The following RARB variants were observed in gnomAD, a reference collection of about 807,000 sequenced individuals.
RARB encodes the protein retinoic acid receptor beta.
Under a neutral mutation model 51.9 loss-of-function variants are expected in RARB, and 17 were observed. The observed-to-expected ratio is 0.33, with a 90% CI of 0.22 to 0.49. The LOEUF is 0.49. Among genes scored for constraint, RARB ranks in the 20% least tolerant of loss-of-function variants. The pLI, the probability that RARB is intolerant of heterozygous loss-of-function variation, is 0.99. For missense variants in RARB, 369 were observed against 550.8 expected, an observed-to-expected ratio of 0.67 and a Z score of 3.30; for synonymous variants, 215 against 195.4, an observed-to-expected ratio of 1.10 and a Z score of -0.84.
intron 5 of RARB, among the ~76,000 whole-genome samples, chr3:25,335,285 A>T (rs1207731806): frequency 6.8e-6 from 1 of 147,896 alleles, no homozygotes; most frequent in East Asian, 2.0e-4. Context: ...TGACACACAC[A>T]TCATGAAATT....
intron 2 of RARB, among the ~76,000 whole-genome samples, chr3:24,942,043 G>C (rs1211416707): frequency 6.6e-6 from 1 of 152,164 alleles, no homozygotes; most frequent in East Asian, 1.9e-4. Context: ...GATGTGAAAG[G>C]TTTCTTAGAT....
intron 2 of RARB, among the ~76,000 whole-genome samples, chr3:25,495,348 A>G (rs1696971036): frequency 6.6e-6 from 1 of 152,232 alleles, no homozygotes; most frequent in Non-Finnish European, 1.5e-5. Context: ...GATTTAAGAT[A>G]TGTCCATCAA....
At chr3:25,338,029 G>A (rs1705114708) in intron 5 of RARB, among the ~76,000 whole-genome samples, 1 of 150,356 alleles carries the variant, frequency 6.7e-6, no homozygotes, top group Non-Finnish European at 1.5e-5. Flanking sequence ...CTGAACCACA[G>A]GTTTCACAAT....
At chr3:25,279,951 G>A (rs1453956570) in intron 5 of RARB, among the ~76,000 whole-genome samples, 1 of 152,194 alleles carries the variant, frequency 6.6e-6, no homozygotes, top group Non-Finnish European at 1.5e-5. Context: ...GAGAGGTGGA[G>A]TTGTAGGGGA....
chr3:25,146,590 C>T (rs1013347765), intron 4 of RARB, among the ~76,000 whole-genome samples: 6 of 149,702 alleles, frequency 4.0e-5, no homozygotes, highest in South Asian at 2.1e-4. Context: ...TCACTGCAAG[C>T]TCCGCCTCCC....
intron 5 of RARB, among the ~76,000 whole-genome samples, chr3:25,385,961 T>C (rs1706782176): frequency 6.6e-6 from 1 of 152,180 alleles, no homozygotes. Context: ...GTTTCTGCTT[T>C]CCTCAAGCTT....
At chr3:25,108,081 G>A (rs1453256293) in intron 3 of RARB, among the ~76,000 whole-genome samples, 1 of 151,966 alleles carries the variant, frequency 6.6e-6, no homozygotes, top group Non-Finnish European at 1.5e-5. Flanking sequence ...CTAATGGGTG[G>A]GTAGCATCTA....
chr3:25,539,854 G>A (rs1699303858), intron 3 of RARB, among the ~76,000 whole-genome samples: 1 of 151,730 alleles, frequency 6.6e-6, no homozygotes. Flanking sequence ...TTGAACTGTG[G>A]GTCCATTTAT....
exon 1 of RARB, among the ~76,000 whole-genome samples, chr3:24,829,390 C>A (rs1702249754): frequency 6.6e-6 from 1 of 152,130 alleles, no homozygotes; most frequent in African/African-American, 2.4e-5. Context: ...GACTCCAAGG[C>A]AGCCCGCCAA....
intron 5 of RARB, among the ~76,000 whole-genome samples, chr3:25,420,896 A>G (rs905450541): frequency 6.6e-6 from 1 of 151,242 alleles, no homozygotes. Flanking sequence ...CACAAGATAG[A>G]TTAATAATGC....
At chr3:25,422,644 T>G (rs1707892325) in intron 5 of RARB, among the ~76,000 whole-genome samples, 1 of 151,770 alleles carries the variant, frequency 6.6e-6, no homozygotes, top group African/African-American at 2.4e-5. Flanking sequence ...GGTAGAAAAG[T>G]GAGAAATTAC....
chr3:24,884,501 C>A (rs1452306839), intron 2 of RARB, among the ~76,000 whole-genome samples: 1 of 151,956 alleles, frequency 6.6e-6, no homozygotes, highest in Non-Finnish European at 1.5e-5. Context: ...ATTTTTTTCC[C>A]CAAGGATTAT....
chr3:24,959,196 G>C (rs1696086199), intron 2 of RARB, among the ~76,000 whole-genome samples: 1 of 152,170 alleles, frequency 6.6e-6, no homozygotes, highest in South Asian at 2.1e-4. Flanking sequence ...AGCAAGGGCA[G>C]AGGGTCAGTG....
chr3:25,492,919 G>A (rs1659254252), intron 2 of RARB, among the ~76,000 whole-genome samples: 1 of 151,816 alleles, frequency 6.6e-6, no homozygotes, highest in South Asian at 2.1e-4. Context: ...TCTTATAGAA[G>A]CCATGGCTAC....
chr3:25,219,554 T>TG (rs1244169086), intron 5 of RARB, among the ~76,000 whole-genome samples: 1 of 151,846 alleles, frequency 6.6e-6, no homozygotes, highest in Non-Finnish European at 1.5e-5. Flanking sequence ...AAGAAGGGAG[T>TG]GGGGAGGGAA....
intron 2 of RARB, among the ~76,000 whole-genome samples, chr3:24,908,672 T>TTG (rs1553613054): frequency 3.4e-5 from 5 of 145,166 alleles, no homozygotes; most frequent in African/African-American, 1.3e-4. Flanking sequence ...TGTTTTTTTT[T>TTG]TTTTTTTTTT....
Position 25,253,430 on chromosome 3 carries a change from A to G in RARB, c.178+78855A>G, listed in dbSNP as rs1384902. On this transcript the variant is annotated intron_variant, in intron 5 of 11. Coordinates refer to the RARB transcript ENST00000383772. ...ACTCTATGGTGTGTCTGCCCACCCA[A>G]TTACCCTGAAGGATCTATAAAATAT... Among the ~76,000 whole-genome samples the G allele has an allele frequency of 7.2e-3, 1,094 of 152,258 alleles. 8 individuals carry two copies. Among genetic ancestry groups the G allele is most frequent in the Middle Eastern group, 0.014 (4 of 294 alleles).
chr3:25,594,624 A>G lies in RARB; in HGVS notation c.1096A>G (p.Met366Val), dbSNP rs768967531. The G allele has an allele frequency of 1.2e-6, 2 of 1,613,612 alleles. No homozygotes were observed. The highest frequency in any genetic ancestry group is 1.3e-5 in the African/African-American group (1 of 74,970). Residue 366 changes from methionine to valine, a missense_variant, in exon 7 of 8, where the codon ATG (methionine) becomes GTG (valine). Around this residue, in one of 9 missense-constraint regions of RARB, gnomAD observed 76 missense variants for 153.3 expected, o/e 0.50. Coordinates refer to ENST00000330688, the MANE Select transcript of RARB (RefSeq NM_000965.5). ...AAAAAGACGACCCAGCAAGCCTCACATGTTTCCAAAGATCTTAATGAAAAT... is the reference window on the plus strand; with the variant it reads ...AAAAAGACGACCCAGCAAGCCTCACGTGTTTCCAAAGATCTTAATGAAAAT... The part of the protein sequence containing the change: ...IRKRRPSKPH[M>V]FPKILMKITD...
rs575521780 is a variant in RARB at position 25,038,625 on chromosome 3, C to T, written c.-379-21500C>T. Among the ~76,000 whole-genome samples, 56 of 152,158 alleles carry T rather than the reference C, an allele frequency of 3.7e-4. 2 individuals are homozygous for T. In the South Asian group the frequency reaches 0.011, roughly 31 times the overall value. ...AAAGTGCAATTTAGCACACACAGTTCTGCTGAAGAAAACCACCTTTGTTTC... is the reference window on the plus strand; with the variant it reads ...AAAGTGCAATTTAGCACACACAGTTTTGCTGAAGAAAACCACCTTTGTTTC... On this transcript the variant is annotated intron_variant, in intron 2 of 11. Coordinates refer to the RARB transcript ENST00000383772.
Sources: gnomAD v4.1 joint callset for allele counts (sites outside exome capture counted in the v4.1 genomes callset) on GRCh38, gnomAD v4.1.1 for gene constraint, gnomAD v4.1.1 regional missense constraint, MANE v1.5 for transcripts, NCBI Gene and HGNC (gene_info 2026-07-23, HGNC 2026-07-21) for gene names.